Variants in CADPS2 observed in about 807,000 individuals in gnomAD.
CADPS2 encodes calcium dependent secretion activator 2, also known as calcium-dependent secretion activator 2.
In CADPS2, 93 loss-of-function variants were observed where a neutral mutation model predicts 172.5. The observed-to-expected ratio is 0.54, with a 90% CI of 0.46 to 0.64. The LOEUF is 0.64. Among genes scored for constraint, CADPS2 ranks in the 30% least tolerant of loss-of-function variants. The pLI is 0.00. For missense variants in CADPS2, 1,420 were observed against 1,565.9 expected, an observed-to-expected ratio of 0.91 and a Z score of 1.57; for synonymous variants, 546 against 555.2, an observed-to-expected ratio of 0.98 and a Z score of 0.23.
intron 1 of CADPS2, among the ~76,000 whole-genome samples, chr7:122,741,487 C>T (rs981121226): frequency 1.3e-5 from 2 of 152,132 alleles, no homozygotes; most frequent in African/African-American, 4.8e-5. Flanking sequence ...ACTGTGAATA[C>T]CTTAAATCCT....
intron 24 of CADPS2, among the ~76,000 whole-genome samples, chr7:122,381,794 AAAAC>A (rs2043037281): frequency 6.6e-6 from 1 of 152,156 alleles, no homozygotes. Context: ...TGAATGAACA[AAAAC>A]AAACACATAC....
chr7:122,808,646 A>G (rs781516005), intron 1 of CADPS2, among the ~76,000 whole-genome samples: 17 of 152,320 alleles, frequency 1.1e-4, no homozygotes, highest in Admixed American at 2.6e-4. Context: ...TCCAGTTCAG[A>G]TATCTCTGAA....
At chr7:122,698,051 G>A in intron 2 of CADPS2, 3 of 1,613,948 alleles carry the variant, frequency 1.9e-6, no homozygotes, top group Non-Finnish European at 2.5e-6. Context: ...CATGTCCCAT[G>A]GGGTAAAATC....
chr7:122,803,369 A>G (rs1039730867), intron 1 of CADPS2, among the ~76,000 whole-genome samples: 28 of 152,178 alleles, frequency 1.8e-4, no homozygotes, highest in African/African-American at 6.8e-4. Flanking sequence ...CAAGAACAAA[A>G]CCTCCCTAAA....
intron 1 of CADPS2, among the ~76,000 whole-genome samples, chr7:122,799,491 T>A (rs1797110363): frequency 1.3e-5 from 2 of 150,740 alleles, no homozygotes; most frequent in African/African-American, 4.9e-5. Flanking sequence ...TAGTCCCAGC[T>A]ACTTGGGAGG....
At position 122,517,001 on chromosome 7, in the gene CADPS2, T is replaced by C. The variant is rs140709071; in HGVS notation, c.1476-3686A>G. Among the ~76,000 whole-genome samples, 339 of 152,274 alleles carry C rather than the reference T, an allele frequency of 2.2e-3. 3 individuals carry two copies. Among genetic ancestry groups the C allele is most frequent in the African/African-American group, 7.8e-3 (326 of 41,566 alleles). On this transcript the variant is annotated intron_variant, in intron 8 of 29. Coordinates refer to ENST00000449022, the MANE Select transcript of CADPS2 (RefSeq NM_017954.11). ...TGTAACCACCACCACAATCAACTTA[T>C]AGAACATTTCCACCTCCCCAAAAGT...
intron 25 of CADPS2, among the ~76,000 whole-genome samples, chr7:122,367,270 A>T (rs2041039333): frequency 6.6e-6 from 1 of 152,162 alleles, no homozygotes; most frequent in Non-Finnish European, 1.5e-5. Context: ...AGGGGAAAAT[A>T]TTCTAAGTTA....
rs1028404076 is a variant in CADPS2, at chr7:122,879,479, G to A, written c.339+6520C>T. Among the ~76,000 whole-genome samples, 7 of 151,812 alleles carry A rather than the reference G, an allele frequency of 4.6e-5. No homozygotes were observed. The South Asian group carries it at 6.2e-4, about 14-fold the overall frequency. On this transcript the variant is annotated intron_variant, in intron 1 of 29. Coordinates refer to ENST00000449022, the MANE Select transcript of CADPS2 (RefSeq NM_017954.11). The stretch of plus-strand genomic sequence containing the variant: ...TGAACCAGGAGGCAGAGGTTGCAGT[G>A]AGCCAAGATCACACCACTGCACTCT...
intron 20 of CADPS2, among the ~76,000 whole-genome samples, chr7:122,404,865 C>T (rs1357493549): frequency 6.6e-6 from 1 of 152,084 alleles, no homozygotes; most frequent in African/African-American, 2.4e-5. Context: ...GTGGCTCATG[C>T]CTGTAATCCC....
At chr7:122,835,986 C>A (rs1774461799) in intron 1 of CADPS2, among the ~76,000 whole-genome samples, 1 of 152,002 alleles carries the variant, frequency 6.6e-6, no homozygotes, top group Non-Finnish European at 1.5e-5. Context: ...GTCAGATTCA[C>A]CAAAGTTGAA....
At chr7:122,667,485 T>C (rs2081302710) in intron 2 of CADPS2, among the ~76,000 whole-genome samples, 1 of 152,158 alleles carries the variant, frequency 6.6e-6, no homozygotes. Flanking sequence ...TCCAATTAGA[T>C]GTAATGTAAT....
chr7:122,737,826 C>A (rs1283290610), intron 1 of CADPS2, among the ~76,000 whole-genome samples: 1 of 151,948 alleles, frequency 6.6e-6, no homozygotes, highest in Non-Finnish European at 1.5e-5. Context: ...GGGAGGGATG[C>A]CTTGGACAAG....
chr7:122,570,891 G>A (rs1563737207), intron 7 of CADPS2, among the ~76,000 whole-genome samples: 1 of 152,080 alleles, frequency 6.6e-6, no homozygotes, highest in Non-Finnish European at 1.5e-5. Flanking sequence ...TGTGAGGTCG[G>A]GGGAGCGGGG....
At chr7:122,853,911 A>G (rs932504960) in intron 1 of CADPS2, among the ~76,000 whole-genome samples, 1 of 152,160 alleles carries the variant, frequency 6.6e-6, no homozygotes, top group Non-Finnish European at 1.5e-5. Flanking sequence ...TTGGCGCCCA[A>G]GGCAAAGTCC....
chr7:122,578,529 T>G (rs1438822896), intron 7 of CADPS2, among the ~76,000 whole-genome samples: 3 of 152,104 alleles, frequency 2.0e-5, no homozygotes, highest in Non-Finnish European at 4.4e-5. Context: ...AAACAGAAGG[T>G]AGCCCTGCAC....
intron 12 of CADPS2, among the ~76,000 whole-genome samples, chr7:122,475,376 C>T (rs770687455): frequency 1.4e-4 from 22 of 152,198 alleles, no homozygotes; most frequent in Admixed American, 8.5e-4. Flanking sequence ...AAAGTGGACT[C>T]TTCTCACAAT....
At position 122,817,049 on chromosome 7, in the gene CADPS2, C is replaced by T. The variant is rs13311168; in HGVS notation, c.339+68950G>A. On this transcript the variant is annotated intron_variant, in intron 1 of 29. Transcript: ENST00000449022. ...CTTTACCTACTCAAATCCTATAAAA[C>T]GGCCCCACCCATATCTCCCTTCGCT... 1.1e-3 allele frequency among the ~76,000 whole-genome samples: 156 copies of T among 148,064 alleles called. 1 individual carries two copies. Among genetic ancestry groups the T allele is most frequent in the African/African-American group, 3.6e-3 (137 of 37,786 alleles).
chr7:122,786,700 G>GCCCTC (rs1794125573), intron 1 of CADPS2, among the ~76,000 whole-genome samples: 1 of 152,096 alleles, frequency 6.6e-6, no homozygotes, highest in Non-Finnish European at 1.5e-5. Flanking sequence ...TACTTTCAGA[G>GCCCTC]CCCTCTCCAT....
intron 3 of CADPS2, among the ~76,000 whole-genome samples, chr7:122,639,835 C>T (rs1218863931): frequency 1.3e-5 from 2 of 152,116 alleles, no homozygotes; most frequent in African/African-American, 4.8e-5. Flanking sequence ...AGCCTCTGAC[C>T]TCTTCTCAAT....
Sources: allele counts gnomAD v4.1 joint callset (sites outside exome capture counted in the v4.1 genomes callset), GRCh38; gene constraint gnomAD v4.1.1; transcripts MANE v1.5; gene names NCBI Gene and HGNC (gene_info 2026-07-23, HGNC 2026-07-21).